TNFSF8: variants seen among roughly 807,000 people sequenced by gnomAD.
TNFSF8 encodes the protein tumor necrosis factor ligand superfamily member 8.
Under a neutral mutation model 22.0 loss-of-function variants are expected in TNFSF8, and 4 were observed. The observed-to-expected ratio is 0.18, with a 90% CI of 0.09 to 0.42. TNFSF8 has a LOEUF of 0.42. TNFSF8 is among the 10% of genes least tolerant of loss of function. TNFSF8 has a pLI of 1.00. For synonymous variants in TNFSF8, 106 were observed against 112.5 expected, an observed-to-expected ratio of 0.94 and a Z score of 0.37; for missense variants, 233 against 281.8, an observed-to-expected ratio of 0.83 and a Z score of 1.24.
chr9:114,919,278 T>C (rs1827959278), intron 1 of TNFSF8, among the ~76,000 whole-genome samples: 1 of 152,092 alleles, frequency 6.6e-6, no homozygotes, highest in South Asian at 2.1e-4. Flanking sequence ...AACATTTACA[T>C]AGTATATTAT....
rs947163328 is a variant in TNFSF8, at chr9:114,922,668, GCAGAAAAATCT to G, written c.196-4541_196-4531del. Among the ~76,000 whole-genome samples, 28 of 152,256 alleles carry G rather than the reference GCAGAAAAATCT, an allele frequency of 1.8e-4. 1 individual carries two copies. Among genetic ancestry groups the G allele is most frequent in the African/African-American group, 6.5e-4 (27 of 41,548 alleles). ...CTAGATGAGGGCAGGATAAAGCTGA[GCAGAAAAATCT>G]CCTGAAATTTCATGGAAAAGTGAAT... On this transcript the variant is annotated intron_variant, in intron 1 of 3. Transcript: ENST00000223795.
In TNFSF8 at chr9:114,922,430, G is replaced by A. The variant is rs151184188; in HGVS notation, c.196-4292C>T. ...CTCTTATTTTCAAGCTAATTCATTGGGCACTTAATGAGGGTTACTCTACAT... is the reference window on the plus strand; with the variant it reads ...CTCTTATTTTCAAGCTAATTCATTGAGCACTTAATGAGGGTTACTCTACAT... On this transcript the variant is annotated intron_variant, in intron 1 of 3. Transcript: ENST00000223795. 3.6e-3 allele frequency among the ~76,000 whole-genome samples: 547 copies of A among 152,212 alleles called. 8 individuals carry two copies. The highest frequency in any genetic ancestry group is 0.013 in the African/African-American group (523 of 41,526).
chr9:114,905,578 G>GGCCA (rs1359965030), intron 3 of TNFSF8, among the ~76,000 whole-genome samples: 1 of 152,206 alleles, frequency 6.6e-6, no homozygotes, highest in Non-Finnish European at 1.5e-5. Flanking sequence ...TGCCCACAGA[G>GGCCA]GCCAGGTAGG....
intron 4 of TNFSF8, chr9:114,894,250 G>T (rs1195248331): frequency 8.8e-7 from 1 of 1,142,182 alleles, no homozygotes; most frequent in African/African-American, 1.5e-5. Context: ...GAAGCCCACA[G>T]TTTAGCAGGG....
Position 114,902,368 on chromosome 9 carries a change from A to G in TNFSF8, c.*1563T>C, listed in dbSNP as rs1827728439. The G allele has an allele frequency of 1.0e-6, 1 of 985,426 alleles. No homozygotes were observed. The highest frequency in any genetic ancestry group is 1.7e-5 in the African/African-American group (1 of 57,352). 61.0% of individuals were successfully genotyped at this position (985,426 alleles called of 1,614,324 possible). A position where few individuals can be genotyped will look rare whatever the true frequency, so the allele number is the denominator to read the frequency against. On this transcript the variant is annotated 3_prime_UTR_variant, in exon 4 of 4. Transcript: ENST00000223795. Reference sequence around the variant, plus strand: ...GATGGAGCAGCCATTCCCTGGCTAGATGACCACATCACTGTTGCACACTGA... The same window carrying G: ...GATGGAGCAGCCATTCCCTGGCTAGGTGACCACATCACTGTTGCACACTGA...
At chr9:114,924,184 T>G (rs1429389554) in intron 1 of TNFSF8, among the ~76,000 whole-genome samples, 1 of 152,154 alleles carries the variant, frequency 6.6e-6, no homozygotes, top group Non-Finnish European at 1.5e-5. Flanking sequence ...CTGAGGAGCT[T>G]GTTAAAATGC....
rs1051152186 is a variant in TNFSF8 at position 114,930,463 on chromosome 9, G to A, written c.-160C>T. ...CCTGGTGGAGAAACTCTTCTCTGGGGGCGTGAGGCGAGAGGCGGCAGCAAG... is the reference window on the plus strand; with the variant it reads ...CCTGGTGGAGAAACTCTTCTCTGGGAGCGTGAGGCGAGAGGCGGCAGCAAG... On this transcript the variant is annotated 5_prime_UTR_variant, in exon 1 of 4. Transcript: ENST00000223795. The A allele has an allele frequency of 1.9e-6, 1 of 513,182 alleles. No individual in the cohort carries two copies. The highest frequency in any genetic ancestry group is 3.1e-6 in the Non-Finnish European group (1 of 320,208). The allele number at this position is 513,182 out of a possible 1,614,324, so 31.8% of individuals were successfully genotyped here.
At chr9:114,912,853 T>C (rs1827869365) in intron 2 of TNFSF8, among the ~76,000 whole-genome samples, 1 of 152,240 alleles carries the variant, frequency 6.6e-6, no homozygotes, top group Non-Finnish European at 1.5e-5. Context: ...CCTCACTTCG[T>C]CTTCTTTAAT....
downstream of TNFSF8, among the ~76,000 whole-genome samples, chr9:114,897,704 G>A (rs1432942793): frequency 1.3e-5 from 2 of 152,190 alleles, no homozygotes; most frequent in Non-Finnish European, 2.9e-5. Flanking sequence ...TGGTGGCTAG[G>A]CAGAGCATGG....
At chr9:114,908,202 C>T (rs1564368758) in intron 2 of TNFSF8, among the ~76,000 whole-genome samples, 1 of 152,222 alleles carries the variant, frequency 6.6e-6, no homozygotes, top group Non-Finnish European at 1.5e-5. Flanking sequence ...TATAAACCCC[C>T]ACTGCCCAGT....
intron 1 of TNFSF8, among the ~76,000 whole-genome samples, chr9:114,922,179 C>G (rs545626033): frequency 1.3e-5 from 2 of 152,314 alleles, no homozygotes; most frequent in East Asian, 3.9e-4. Context: ...TAATTTGCCT[C>G]AATACCTTGA....
In TNFSF8 at chr9:114,901,977, G is replaced by A. The variant is rs1455978167; in HGVS notation, c.*1954C>T. ...TTTCCTTCTGACAAACTTTGCTGGAGTCCTACTCCTTTTCTCTCCTTCTTG... is the reference window on the plus strand; with the variant it reads ...TTTCCTTCTGACAAACTTTGCTGGAATCCTACTCCTTTTCTCTCCTTCTTG... On this transcript the variant is annotated 3_prime_UTR_variant, in exon 4 of 4. Coordinates refer to ENST00000223795, the MANE Select transcript of TNFSF8 (RefSeq NM_001244.4). 1 of 985,112 alleles carries A rather than the reference G, an allele frequency of 1.0e-6. No homozygotes were observed. The highest frequency in any genetic ancestry group is 1.7e-5 in the African/African-American group (1 of 57,174). The allele number at this position is 985,112 out of a possible 1,614,324, so 61.0% of individuals were successfully genotyped here.
chr9:114,899,757 C>A (rs1178916049), downstream of TNFSF8, among the ~76,000 whole-genome samples: 1 of 152,152 alleles, frequency 6.6e-6, no homozygotes, highest in African/African-American at 2.4e-5. Flanking sequence ...AATGAATGTA[C>A]AGAGCAGAGA....
At chr9:114,918,941 C>T (rs1827953183) in intron 1 of TNFSF8, among the ~76,000 whole-genome samples, 1 of 152,120 alleles carries the variant, frequency 6.6e-6, no homozygotes, top group Non-Finnish European at 1.5e-5. Context: ...TTCCCCCCTC[C>T]ATATGTTTGG....
chr9:114,922,095 G>T (rs144410263), intron 1 of TNFSF8, among the ~76,000 whole-genome samples: 6 of 152,276 alleles, frequency 3.9e-5, no homozygotes, highest in Middle Eastern at 3.4e-3. Context: ...GACATCATAA[G>T]ATATTATAAA....
At chr9:114,928,347 G>A (rs1587942467) in intron 1 of TNFSF8, among the ~76,000 whole-genome samples, 2 of 152,186 alleles carry the variant, frequency 1.3e-5, no homozygotes, top group South Asian at 2.1e-4. Context: ...TCAGGGTGAC[G>A]TAGTTCAAGC....
Position 114,905,942 on chromosome 9 carries a change from T to C in TNFSF8, c.239-43A>G, listed in dbSNP as rs768829501. ...ATGCATTAAAATGTCTTTTGCCGTT[T>C]TGGGATCTGGAAATACCTGATCTTT... On this transcript the variant is annotated intron_variant, in intron 2 of 3. Transcript: ENST00000223795. The C allele has an allele frequency of 8.6e-6, 12 of 1,396,906 alleles. No homozygotes were observed. In the Admixed American group the frequency reaches 1.7e-4, roughly 20 times the overall value. The allele number at this position is 1,396,906 out of a possible 1,614,324, so 86.5% of individuals were successfully genotyped here.
exon 5 of TNFSF8, chr9:114,894,092 G>A (rs1305394438): frequency 3.9e-6 from 6 of 1,535,130 alleles, no homozygotes; most frequent in Non-Finnish European, 5.2e-6. Flanking sequence ...GGGTTGTAGA[G>A]TTTCAAGGCA....
intron 1 of TNFSF8, among the ~76,000 whole-genome samples, chr9:114,924,989 G>A (rs186530781): frequency 1.1e-3 from 173 of 152,338 alleles, no homozygotes; most frequent in Non-Finnish European, 1.9e-3. Flanking sequence ...GTAGTGGGAA[G>A]TGTCATGGGG....
Sources: allele counts gnomAD v4.1 joint callset (sites outside exome capture counted in the v4.1 genomes callset), GRCh38; gene constraint gnomAD v4.1.1; transcripts MANE v1.5; gene names NCBI Gene and HGNC (gene_info 2026-07-23, HGNC 2026-07-21).